SYNE1: variants seen among roughly 807,000 people sequenced by gnomAD.
The protein encoded by SYNE1 is spectrin repeat containing nuclear envelope protein 1.
SYNE1 carries 616 observed loss-of-function variants against 1,111.0 expected under a neutral mutation model. That is an observed-to-expected ratio of 0.55 (90% CI 0.52 to 0.59). SYNE1 has a LOEUF of 0.59. Ranked by LOEUF, SYNE1 falls within the 20% of genes least tolerant of loss-of-function variation. The pLI is 0.00. For missense variants in SYNE1, 10,006 were observed against 10,417.0 expected (o/e 0.96, Z 1.72); for synonymous variants, 3,855 against 3,825.8 (o/e 1.01, Z -0.28).
intron 3 of SYNE1, among the ~76,000 whole-genome samples, chr6:152,541,762 AAAAG>A (rs1275772913): frequency 0.06 from 5,563 of 92,160 alleles, 487 homozygotes; most frequent in African/African-American, 0.21. Context: ...AAAAAAAAAA[AAAAG>A]AAAAGAAATG....
Position 152,132,172 on chromosome 6 carries a change from C to G in SYNE1, c.26044G>C (p.Gly8682Arg), listed in dbSNP as rs201664645. The stretch of plus-strand genomic sequence containing the variant: ...CTTCCTGATGTGGGACTCACAGACC[C>G]TGAGGTGTCCAGTTCATCAGCAGAA... Reference protein sequence around the residue: ...WSSADELDTSGSVSPTSGRST... With the variant: ...WSSADELDTSRSVSPTSGRST... The change falls in exon 144 of 146, where the codon GGG becomes CGG. Residue 8682 changes from glycine to arginine, a missense_variant. Gly to Arg is a moderately radical substitution (Grantham distance 125). Coordinates refer to ENST00000367255, the MANE Select transcript of SYNE1 (RefSeq NM_182961.4). 170 of 1,614,160 alleles carry G rather than the reference C, an allele frequency of 1.1e-4. No individual in the cohort carries two copies. The Admixed American group carries it at 1.4e-3, about 14-fold the overall frequency.
chr6:152,248,215 A>T (rs754677587), intron 105 of SYNE1, among the ~76,000 whole-genome samples: 1 of 152,010 alleles, frequency 6.6e-6, no homozygotes, highest in African/African-American at 2.4e-5. Flanking sequence ...ATCCCCTACA[A>T]CTTTCCATGG....
rs747254787 is a variant in SYNE1 at position 152,447,569 on chromosome 6, G to A, written c.3558C>T (p.Ser1186=). The change falls in exon 29 of 146, where the codon TCC becomes TCT. Residue 1186 remains serine, a synonymous_variant. Transcript: ENST00000367255. The part of the protein sequence containing the change: ...KRGETLSWLK[S]RLKVLTEVSS... ...AAACTTCTGTCAAAACTTTCAGCCT[G>A]GATTTCAGCCAGCTGAGGGTCTCAC... The A allele has an allele frequency of 1.9e-6, 3 of 1,614,164 alleles. No homozygotes were observed. The highest frequency in any genetic ancestry group is 1.6e-4 in the Middle Eastern group (1 of 6,062).
intron 75 of SYNE1, among the ~76,000 whole-genome samples, chr6:152,337,943 T>C (rs1305238276): frequency 6.6e-6 from 1 of 152,086 alleles, no homozygotes; most frequent in Non-Finnish European, 1.5e-5. Flanking sequence ...AGCTCAGGAA[T>C]TCGAGACCCA....
In SYNE1 at chr6:152,381,273, A is replaced by G. The variant is rs1187335521; in HGVS notation, c.8742T>C (p.Ser2914=). 4 of 1,614,132 alleles carry G rather than the reference A, an allele frequency of 2.5e-6. No homozygotes were observed. The East Asian group carries it at 8.9e-5, about 36-fold the overall frequency. ...TCTCCGTGTGCATGAGCTCACACCCACTGGCAGTTGTGTTCTGTTTCACTT... is the reference window on the plus strand; with the variant it reads ...TCTCCGTGTGCATGAGCTCACACCCGCTGGCAGTTGTGTTCTGTTTCACTT... ...APEVKQNTTA[S]GCELMHTEMQ... The change falls in exon 56 of 146, where the codon AGT becomes AGC. Residue 2914 remains serine (S), a synonymous_variant. Coordinates refer to ENST00000367255, the MANE Select transcript of SYNE1 (RefSeq NM_182961.4).
chr6:152,238,365 A>G (rs2084715080), intron 108 of SYNE1, among the ~76,000 whole-genome samples: 1 of 152,208 alleles, frequency 6.6e-6, no homozygotes, highest in Non-Finnish European at 1.5e-5. Flanking sequence ...TCAAAATTCT[A>G]TCTCAAAGGG....
chr6:152,397,811 GC>G (rs1289294719), intron 49 of SYNE1, among the ~76,000 whole-genome samples: 1 of 151,972 alleles, frequency 6.6e-6, no homozygotes, highest in Non-Finnish European at 1.5e-5. Context: ...GACCAGCCTG[GC>G]CTACATGGTG....
Position 152,318,971 on chromosome 6 carries a change from G to C in SYNE1, c.16281C>G (p.Ser5427Arg). The C allele has an allele frequency of 6.2e-7, 1 of 1,614,192 alleles. No individual in the cohort carries two copies. The highest frequency in any genetic ancestry group is 8.5e-7 in the Non-Finnish European group (1 of 1,180,032). The change falls in exon 85 of 146, where the codon AGC (serine) becomes AGG (arginine). Residue 5427 changes from serine to arginine, a missense_variant. Ser to Arg is a moderately radical substitution (Grantham distance 110). Transcript: ENST00000367255. ...TCTGAATTTGCCGGCTGAGTTCCTG[G>C]CTCGTGGCCTTGCTCTGCTCAACTT... ...IKEVEQSKAT[S>R]QELSRQIQKL...
chr6:152,458,424 C>A (rs996256750), intron 22 of SYNE1, among the ~76,000 whole-genome samples: 11 of 152,172 alleles, frequency 7.2e-5, no homozygotes, highest in African/African-American at 2.7e-4. Context: ...CACAATGTTG[C>A]TCCATTGATA....
intron 127 of SYNE1, among the ~76,000 whole-genome samples, chr6:152,198,746 A>C (rs1419216916): frequency 6.6e-6 from 1 of 152,194 alleles, no homozygotes; most frequent in African/African-American, 2.4e-5. Flanking sequence ...CACATGCTAC[A>C]TTTATGAATT....
intron 111 of SYNE1, 46 bp from the exon 112 acceptor site, chr6:152,234,009 A>G: frequency 6.3e-7 from 1 of 1,597,504 alleles, no homozygotes; most frequent in South Asian, 1.1e-5. Flanking sequence ...TAGCTAGACC[A>G]TTCATTAAAA....
At chr6:152,505,671 T>G (rs961074214) in intron 8 of SYNE1, among the ~76,000 whole-genome samples, 1 of 152,242 alleles carries the variant, frequency 6.6e-6, no homozygotes, top group African/African-American at 2.4e-5. Context: ...TATTTTATAC[T>G]CAATCCCCTA....
In SYNE1 at chr6:152,416,529, G is replaced by C; in HGVS notation, c.5908C>G (p.Gln1970Glu). Residue 1970 changes from glutamine (Q) to glutamate (E), a missense_variant, in exon 41 of 146, where the codon CAG (glutamine) becomes GAG (glutamate). Coordinates refer to ENST00000367255, the MANE Select transcript of SYNE1 (RefSeq NM_182961.4). ...ACTGCCAGAGCATCTGCCTCACTCT[G>C]CTTGGTTCCCAGAAGGTTCTGGATC... is the stretch of plus-strand genomic sequence containing the variant. Reference protein sequence around the residue: ...ERIQNLLGTKQSEADALAVLK... With the variant: ...ERIQNLLGTKESEADALAVLK... 6.2e-7 allele frequency: 1 copy of C among 1,613,968 alleles called. No homozygotes were observed. Among genetic ancestry groups the C allele is most frequent in the Non-Finnish European group, 8.5e-7 (1 of 1,179,996 alleles).
At chr6:152,399,973 A>T in intron 47 of SYNE1, 150 bp from the exon 48 acceptor site, 1 of 902,632 alleles carries the variant, frequency 1.1e-6, no homozygotes, top group Non-Finnish European at 1.7e-6. Context: ...GAGTACTTGT[A>T]CTAGATCTGT....
rs373619878 is a variant in SYNE1 at position 152,488,491 on chromosome 6, C to T, written c.952G>A (p.Val318Ile). The T allele has an allele frequency of 4.4e-5, 70 of 1,574,226 alleles. No homozygotes were observed. The highest frequency in any genetic ancestry group is 2.0e-4 in the Admixed American group (12 of 59,812). ...CAAACTTTCATTTCCTTAAAAATTACTCTGTCTTCTCTCTGGAAATGAGGA... is the reference window on the plus strand; with the variant it reads ...CAAACTTTCATTTCCTTAAAAATTATTCTGTCTTCTCTCTGGAAATGAGGA... Reference protein sequence around the residue: ...SVQNFKREDRVIFKEMKVWIE... With the variant: ...SVQNFKREDRIIFKEMKVWIE... Residue 318 changes from valine (V) to isoleucine (I), a missense_variant, in exon 12 of 146, where the codon GTA becomes ATA. Transcript: ENST00000367255.
intron 6 of SYNE1, among the ~76,000 whole-genome samples, chr6:152,514,963 T>A (rs1040008591): frequency 6.6e-6 from 1 of 152,180 alleles, no homozygotes; most frequent in African/African-American, 2.4e-5. Flanking sequence ...GGCTCACACC[T>A]GTAATCCCAG....
intron 127 of SYNE1, among the ~76,000 whole-genome samples, chr6:152,200,407 T>A (rs566662506): frequency 1.2e-4 from 19 of 152,292 alleles, no homozygotes; most frequent in African/African-American, 4.6e-4. Flanking sequence ...TAATTTTTAA[T>A]GTATTTATTT....
intron 145 of SYNE1, chr6:152,125,464 T>G: frequency 7.5e-7 from 1 of 1,328,522 alleles, no homozygotes; most frequent in Non-Finnish European, 1.0e-6. Context: ...TTAGTCTCTC[T>G]GGCCTTCAGT....
chr6:152,218,045 AC>A (rs2079171338), intron 121 of SYNE1, among the ~76,000 whole-genome samples: 1 of 151,934 alleles, frequency 6.6e-6, no homozygotes, highest in Admixed American at 6.6e-5. Context: ...AAATACAAAA[AC>A]TAGCCAGGAG....
Sources: gnomAD v4.1 joint callset for allele counts (sites outside exome capture counted in the v4.1 genomes callset) on GRCh38, gnomAD v4.1.1 for gene constraint, MANE v1.5 for transcripts, NCBI Gene and HGNC (gene_info 2026-07-23, HGNC 2026-07-21) for gene names.